The following PALB2 variants were observed in gnomAD, a reference collection of about 807,000 sequenced individuals.
PALB2 encodes the protein partner and localizer of BRCA2, also known as mutant partner and localizer of BRCA2.
PALB2 carries 82 observed loss-of-function variants against 107.4 expected under a neutral mutation model. That is an observed-to-expected ratio of 0.76 (90% CI 0.64 to 0.92). PALB2 has a LOEUF of 0.92. PALB2 is among the 40% of genes least tolerant of loss of function. The probability of loss-of-function intolerance (pLI) is 0.00; values close to 1 mark genes in which losing one functional copy is unlikely to be tolerated. For synonymous variants in PALB2, 489 were observed against 496.8 expected (o/e 0.98, Z 0.21); for missense variants, 1,374 against 1,379.9 (o/e 1.00, Z 0.07).
chr16:23,625,339 C>A (rs1966840325), intron 7 of PALB2, among the ~76,000 whole-genome samples: 1 of 150,608 alleles, frequency 6.6e-6, no homozygotes, highest in Admixed American at 6.6e-5. Flanking sequence ...TCTCCAAAAA[C>A]AAACAAACAA....
chr16:23,630,941 T>G (rs1187216409), intron 4 of PALB2, among the ~76,000 whole-genome samples: 4 of 149,344 alleles, frequency 2.7e-5, no homozygotes, highest in Non-Finnish European at 5.9e-5. Flanking sequence ...GAGACTGTCT[T>G]TAAAAACAAT....
At chr16:23,616,144 C>T (rs572781923) in intron 10 of PALB2, among the ~76,000 whole-genome samples, 2 of 152,298 alleles carry the variant, frequency 1.3e-5, no homozygotes, top group East Asian at 3.9e-4. Flanking sequence ...AGAAGAGTTC[C>T]CATCCCTGTT....
chr16:23,609,105 C>T (rs190622181), intron 11 of PALB2, among the ~76,000 whole-genome samples: 209 of 152,170 alleles, frequency 1.4e-3, no homozygotes, highest in Middle Eastern at 6.8e-3. Flanking sequence ...GGATTATAGG[C>T]GTGAGCCACG....
At chr16:23,630,580 A>G (rs745489452) in intron 4 of PALB2, 111 bp from the exon 5 acceptor site, 34 of 875,856 alleles carry the variant, frequency 3.9e-5, no homozygotes, top group Non-Finnish European at 5.9e-5. Flanking sequence ...GAAACATTTT[A>G]ATGAACCTTA....
At chr16:23,638,787 TAC>T (rs1268443876) in intron 1 of PALB2, among the ~76,000 whole-genome samples, 3 of 152,210 alleles carry the variant, frequency 2.0e-5, no homozygotes, top group Non-Finnish European at 4.4e-5. Context: ...CTACTTTAGT[TAC>T]AGTGGTCAGG....
intron 4 of PALB2, among the ~76,000 whole-genome samples, chr16:23,633,115 T>C (rs902062485): frequency 5.3e-5 from 8 of 152,134 alleles, no homozygotes; most frequent in East Asian, 1.9e-4. Context: ...AAAAAACTAC[T>C]GTGTAAAAAA....
rs752714298 is a variant in PALB2 at position 23,630,164 on chromosome 16, T to G, written c.1990A>C (p.Met664Leu). 3.1e-6 allele frequency: 5 copies of G among 1,614,226 alleles called. 1 individual carries two copies. Among genetic ancestry groups the G allele is most frequent in the Non-Finnish European group, 4.2e-6 (5 of 1,180,040 alleles). ...IFPEELSPKR[M>L]DTEMEDLEED... ...TCTAAGTCCTCCATTTCTGTATCCA[T>G]GCGTTTAGGACTCAGTTCCTCTGGA... The change falls in exon 5 of 13, where the codon ATG (methionine) becomes CTG (leucine). Residue 664 changes from methionine to leucine, a missense_variant. By Grantham distance (15) the Met-to-Leu change is conservative. Coordinates refer to ENST00000261584, the MANE Select transcript of PALB2 (RefSeq NM_024675.4).
chr16:23,629,321 T>C lies in PALB2; in HGVS notation c.2515-46A>G, dbSNP rs138588349. The C allele has an allele frequency of 1.6e-4, 241 of 1,509,818 alleles. No homozygotes were observed. Among genetic ancestry groups the C allele is most frequent in the South Asian group, 2.7e-4 (24 of 89,028 alleles). The allele number at this position is 1,509,818 out of a possible 1,614,324, so 93.5% of individuals were successfully genotyped here. A position where few individuals can be genotyped will look rare whatever the true frequency, so the allele number is the denominator to read the frequency against. On this transcript the variant is annotated intron_variant, in intron 5 of 12. Coordinates refer to ENST00000261584, the MANE Select transcript of PALB2 (RefSeq NM_024675.4). ...TCATTAGTCTACACTTTATGTATAA[T>C]GTCTGCCTGCATTACCCACTCATCA...
At chr16:23,622,833 T>G (rs1966795132) in intron 9 of PALB2, 136 bp downstream of exon 9, 1 of 955,600 alleles carries the variant, frequency 1.0e-6, no homozygotes, top group South Asian at 1.4e-5. Flanking sequence ...TGTCATAACC[T>G]AGTGTTGATG....
chr16:23,619,819 G>A (rs150411465), intron 10 of PALB2, among the ~76,000 whole-genome samples: 106 of 150,698 alleles, frequency 7.0e-4, no homozygotes, highest in Non-Finnish European at 3.3e-4. Context: ...TTGCTCTGTC[G>A]CCCAGGCTGG....
intron 1 of PALB2, among the ~76,000 whole-genome samples, chr16:23,639,887 T>G (rs1967171658): frequency 6.6e-6 from 1 of 151,966 alleles, no homozygotes; most frequent in Non-Finnish European, 1.5e-5. Context: ...CGTAAGGAAT[T>G]TTCTTTTTTT....
intron 4 of PALB2, among the ~76,000 whole-genome samples, chr16:23,634,343 TACA>T (rs994243433): frequency 2.6e-5 from 4 of 152,236 alleles, no homozygotes; most frequent in African/African-American, 7.2e-5. Flanking sequence ...TTAGTATCTG[TACA>T]ACATTTAGAA....
chr16:23,614,315 CT>C (rs771217243), intron 10 of PALB2, among the ~76,000 whole-genome samples: 1 of 152,102 alleles, frequency 6.6e-6, no homozygotes, highest in Non-Finnish European at 1.5e-5. Context: ...TACAATGCCC[CT>C]AGGGATAAAT....
At chr16:23,640,772 C>T (rs1967210497) in intron 1 of PALB2, 2 of 320,192 alleles carry the variant, frequency 6.2e-6, no homozygotes, top group Non-Finnish European at 1.2e-5. Context: ...CCTGGAAGTA[C>T]CAGACTTAAA....
rs2142460493 is a variant in PALB2, at chr16:23,638,097, T to C, written c.81A>G (p.Glu27=). ...LKEKLAFLKR[E]YSKTLARLQR... is the part of the protein sequence containing the mutation. Reference sequence around the variant, plus strand: ...GAAGGCGGGCTAGTGTCTTGCTGTATTCCCTTTTCAAGAATGCTAATTTCT... The same window carrying C: ...GAAGGCGGGCTAGTGTCTTGCTGTACTCCCTTTTCAAGAATGCTAATTTCT... The change falls in exon 2 of 13, where the codon GAA becomes GAG. Residue 27 remains glutamate, a synonymous_variant. Transcript: ENST00000261584. The C allele has an allele frequency of 6.2e-7, 1 of 1,614,086 alleles. No individual in the cohort carries two copies. The highest frequency in any genetic ancestry group is 1.1e-5 in the South Asian group (1 of 91,076).
rs878855110 is a variant in PALB2 at position 23,626,360 on chromosome 16, A to G, written c.2624T>C (p.Met875Thr). ...SGSCSVDVSA[M>T]FWERAGCKEP... is the part of the protein sequence containing the mutation. ...TTTACAACCGGCTCTTTCCCAAAACATGGCACTCACATCTACGGAACAGGA... is the reference window on the plus strand; with the variant it reads ...TTTACAACCGGCTCTTTCCCAAAACGTGGCACTCACATCTACGGAACAGGA... Residue 875 changes from methionine to threonine, a missense_variant, in exon 7 of 13, where the codon ATG (methionine) becomes ACG (threonine). Met to Thr is a moderately conservative substitution (Grantham distance 81, BLOSUM62 -1). Transcript: ENST00000261584. 3.1e-6 allele frequency: 5 copies of G among 1,614,076 alleles called. No homozygotes were observed. The highest frequency in any genetic ancestry group is 4.2e-6 in the Non-Finnish European group (5 of 1,180,046).
At chr16:23,619,378 C>T (rs778365170) in intron 10 of PALB2, among the ~76,000 whole-genome samples, 1 of 152,034 alleles carries the variant, frequency 6.6e-6, no homozygotes, top group Admixed American at 6.6e-5. Flanking sequence ...GACAGAGTCT[C>T]ACTCTGTCAC....
intron 10 of PALB2, among the ~76,000 whole-genome samples, chr16:23,620,731 A>G (rs1966757498): frequency 6.6e-6 from 1 of 152,182 alleles, no homozygotes; most frequent in African/African-American, 2.4e-5. Context: ...GTTATGTCTC[A>G]ATTAATATGA....
intron 4 of PALB2, among the ~76,000 whole-genome samples, chr16:23,631,130 A>G (rs1428010687): frequency 6.9e-6 from 1 of 144,082 alleles, no homozygotes; most frequent in African/African-American, 2.6e-5. Flanking sequence ...AAAAAAAAAA[A>G]TTAGCCGGGT....
Sources: allele counts gnomAD v4.1 joint callset (sites outside exome capture counted in the v4.1 genomes callset), GRCh38; gene constraint gnomAD v4.1.1; transcripts MANE v1.5; gene names NCBI Gene and HGNC (gene_info 2026-07-23, HGNC 2026-07-21).